The following STX18 variants were observed in gnomAD, a reference collection of about 807,000 sequenced individuals.
The protein encoded by STX18 is syntaxin 18, also known as syntaxin-18.
A neutral mutation model predicts 50.1 loss-of-function variants in STX18; 40 were observed. The ratio of observed to expected loss-of-function variants is 0.80; its 90% CI spans 0.62 to 1.04. The LOEUF (loss-of-function observed/expected upper bound fraction) is 1.04. Ranked by LOEUF, STX18 falls within the 50% of genes least tolerant of loss-of-function variation. The pLI, the probability that STX18 is intolerant of heterozygous loss-of-function variation, is 0.00. For missense variants in STX18, 410 were observed against 415.8 expected (o/e 0.99, Z 0.12); for synonymous variants, 158 against 151.8 (o/e 1.04, Z -0.30).
At chr4:4,429,862 T>G (rs1250601123) in intron 7 of STX18, among the ~76,000 whole-genome samples, 1 of 152,150 alleles carries the variant, frequency 6.6e-6, no homozygotes, top group African/African-American at 2.4e-5. Flanking sequence ...CAGGCCTACC[T>G]CAGGGGACAG....
chr4:4,438,658 G>C (rs1725921190), intron 5 of STX18, 149 bp from the exon 6 acceptor site: 2 of 624,770 alleles, frequency 3.2e-6, no homozygotes, highest in Admixed American at 5.8e-5. Context: ...TGGCCATCCG[G>C]ACACACCTCC....
chr4:4,451,943 C>A (rs1281813434), intron 5 of STX18, among the ~76,000 whole-genome samples: 1 of 152,190 alleles, frequency 6.6e-6, no homozygotes, highest in Non-Finnish European at 1.5e-5. Flanking sequence ...AAAAGTTAGA[C>A]CTCTTGTGCC....
rs761106265 is a variant in STX18 at position 4,457,193 on chromosome 4, T to C, written c.495A>G (p.Arg165=). 3 of 1,613,308 alleles carry C rather than the reference T, an allele frequency of 1.9e-6. No individual in the cohort carries two copies. The highest frequency in any genetic ancestry group is 1.7e-5 in the Admixed American group (1 of 59,996). ...ACACCAATGAAAGCAATACTTACAA[T>C]CTTTTCTTATCCACCACTCTTTTAA... ...IRVKRVVDKK[R]LSKLEPEPNT... Residue 165 remains arginine (R), a splice_region_variant and synonymous_variant, in exon 5 of 11, where the codon AGA becomes AGG. Transcript: ENST00000306200.
Position 4,420,270 on chromosome 4 carries a change from A to AGAT in STX18, c.913-144_913-142dup, listed in dbSNP as rs1724861804. The AGAT allele has an allele frequency of 6.2e-6, 4 of 644,520 alleles. No homozygotes were observed. In the South Asian group the frequency reaches 7.7e-5, roughly 12 times the overall value. 39.9% of individuals were successfully genotyped at this position (644,520 alleles called of 1,614,324 possible). Reference sequence around the variant, plus strand: ...CGTTCCATCTGTGCTTACCTTGAATAGATGGCTTTTGAGATCCACCAGAAG... The same window carrying AGAT: ...CGTTCCATCTGTGCTTACCTTGAATAGATGATGGCTTTTGAGATCCACCAGAAG... On this transcript the variant is annotated intron_variant, in intron 10 of 10. Transcript: ENST00000306200. The surrounding 1 kb of genome is among the most constrained non-coding windows in gnomAD (Gnocchi z 4.3).
chr4:4,538,873 T>C (rs1160202185), intron 1 of STX18, among the ~76,000 whole-genome samples: 1 of 152,200 alleles, frequency 6.6e-6, no homozygotes, highest in Non-Finnish European at 1.5e-5. Flanking sequence ...GACATATTCA[T>C]TATTATTTGG....
chr4:4,542,160 C>G (rs368617827), upstream of STX18: 466 of 658,310 alleles, frequency 7.1e-4, 5 homozygotes, highest in East Asian at 0.014. Flanking sequence ...GCCGGCGCAC[C>G]TGGCGGAGGA....
chr4:4,507,665 G>A (rs570167001), intron 1 of STX18: 1 of 800,234 alleles, frequency 1.2e-6, no homozygotes, highest in Non-Finnish European at 2.2e-6. Context: ...GCTCATAAAG[G>A]TTCGTTTGGA....
At chr4:4,431,176 T>TA (rs1327280848) in intron 7 of STX18, among the ~76,000 whole-genome samples, 1 of 151,498 alleles carries the variant, frequency 6.6e-6, no homozygotes, top group Non-Finnish European at 1.5e-5. Flanking sequence ...TGGAGTGCAT[T>TA]AAAAAAGAAA....
At chr4:4,423,334 G>T (rs1348594003) in intron 9 of STX18, among the ~76,000 whole-genome samples, 184 bp downstream of exon 9, 6 of 152,228 alleles carry the variant, frequency 3.9e-5, no homozygotes, top group African/African-American at 1.4e-4. Context: ...TCACACGTGT[G>T]CAGAGGCAGC....
intron 1 of STX18, among the ~76,000 whole-genome samples, chr4:4,484,017 A>T (rs1389902652): frequency 1.3e-5 from 2 of 151,940 alleles, no homozygotes; most frequent in African/African-American, 2.4e-5. Context: ...GCGTGCCACC[A>T]TGCCCAGCTA....
At chr4:4,486,373 G>T (rs1728699706) in intron 1 of STX18, among the ~76,000 whole-genome samples, 1 of 152,182 alleles carries the variant, frequency 6.6e-6, no homozygotes, top group Admixed American at 6.5e-5. Context: ...ATGTCAATAA[G>T]ATGGAGGTAA....
At chr4:4,462,153 C>T (rs1298965829) in intron 2 of STX18, among the ~76,000 whole-genome samples, 2 of 152,158 alleles carry the variant, frequency 1.3e-5, no homozygotes, top group African/African-American at 2.4e-5. Flanking sequence ...TGACTCCTGC[C>T]TCCATTTCTT....
intron 5 of STX18, among the ~76,000 whole-genome samples, chr4:4,445,364 C>T (rs533724267): frequency 2.0e-5 from 3 of 152,014 alleles, no homozygotes; most frequent in South Asian, 2.1e-4. Context: ...CAAGATCGAG[C>T]GACTGCACTC....
intron 1 of STX18, among the ~76,000 whole-genome samples, chr4:4,509,565 A>C (rs985274202): frequency 6.6e-6 from 1 of 152,306 alleles, no homozygotes; most frequent in Non-Finnish European, 1.5e-5. Flanking sequence ...AATTTAAATG[A>C]TCATGGGTTT....
intron 1 of STX18, among the ~76,000 whole-genome samples, chr4:4,526,803 C>CA (rs1359354718): frequency 7.5e-4 from 109 of 144,528 alleles, no homozygotes; most frequent in Non-Finnish European, 1.1e-3. Context: ...ACTCTATCTC[C>CA]AAAAAAAAAA....
At chr4:4,434,130 T>TA (rs1725658108) in intron 7 of STX18, among the ~76,000 whole-genome samples, 1 of 152,210 alleles carries the variant, frequency 6.6e-6, no homozygotes. Context: ...CCCCACGTCT[T>TA]AGAGGACAGT....
intron 1 of STX18, among the ~76,000 whole-genome samples, chr4:4,502,668 C>T (rs1488572104): frequency 6.6e-6 from 1 of 152,128 alleles, no homozygotes; most frequent in Admixed American, 6.5e-5. Flanking sequence ...TGTTGTAGCT[C>T]TCAGCAGCAG....
At chr4:4,423,760 G>A (rs189974961) in intron 8 of STX18, 173 bp from the exon 9 acceptor site, 4 of 641,316 alleles carry the variant, frequency 6.2e-6, no homozygotes, top group South Asian at 1.9e-5. Flanking sequence ...CTCCTTACTG[G>A]GTCACCTTCC....
intron 1 of STX18, among the ~76,000 whole-genome samples, chr4:4,486,056 T>C (rs749618356): frequency 2.0e-4 from 31 of 152,216 alleles, no homozygotes; most frequent in Non-Finnish European, 4.3e-4. Context: ...GCTGGTTCTC[T>C]GACTTTGGAG....
Sources: gnomAD v4.1 joint callset for allele counts (sites outside exome capture counted in the v4.1 genomes callset) on GRCh38, gnomAD v4.1.1 for gene constraint, Gnocchi (gnomAD v3.1) non-coding constraint, MANE v1.5 for transcripts, NCBI Gene and HGNC (gene_info 2026-07-23, HGNC 2026-07-21) for gene names.